Variants in ANO4 observed in about 807,000 individuals in gnomAD.
ANO4 encodes the protein anoctamin-4.
In ANO4, 69 loss-of-function variants were observed where a neutral mutation model predicts 141.9. The observed-to-expected ratio is 0.49, with a 90% CI of 0.40 to 0.59. The LOEUF is 0.59. Among genes scored for constraint, ANO4 ranks in the 20% least tolerant of loss-of-function variants. ANO4 has a pLI of 0.00. For missense variants in ANO4, 894 were observed against 1,162.2 expected, an observed-to-expected ratio of 0.77 and a Z score of 3.36; for synonymous variants, 350 against 394.3, an observed-to-expected ratio of 0.89 and a Z score of 1.33.
chr12:101,097,128 G>A (rs1176169903), intron 19 of ANO4, among the ~76,000 whole-genome samples: 1 of 152,084 alleles, frequency 6.6e-6, no homozygotes, highest in African/African-American at 2.4e-5. Context: ...GATTCCCTGG[G>A]TAGTGGTAAT....
intron 2 of ANO4, among the ~76,000 whole-genome samples, chr12:100,919,475 G>T (rs988729762): frequency 3.3e-5 from 5 of 152,108 alleles, no homozygotes; most frequent in African/African-American, 9.7e-5. Flanking sequence ...AGTATTCAGT[G>T]CAGTAACATG....
intron 3 of ANO4, among the ~76,000 whole-genome samples, chr12:100,748,386 G>A (rs9668515): frequency 0.027 from 4,053 of 152,254 alleles, 178 homozygotes; most frequent in African/African-American, 0.092. Context: ...CTCCCTTGTA[G>A]AGAAGCTGAG....
intron 2 of ANO4, among the ~76,000 whole-genome samples, chr12:100,739,067 A>G (rs908586703): frequency 1.4e-5 from 2 of 146,348 alleles, no homozygotes; most frequent in Non-Finnish European, 3.0e-5. Context: ...AAATCTTTAT[A>G]TATATCTAAA....
chr12:100,728,501 T>A (rs1326822883), intron 1 of ANO4, among the ~76,000 whole-genome samples: 1 of 152,190 alleles, frequency 6.6e-6, no homozygotes, highest in Non-Finnish European at 1.5e-5. Flanking sequence ...GCTTTTCTAG[T>A]GTAAGACAAA....
At chr12:101,081,442 G>GC (rs1333059882) in intron 15 of ANO4, among the ~76,000 whole-genome samples, 1 of 152,098 alleles carries the variant, frequency 6.6e-6, no homozygotes, top group East Asian at 1.9e-4. Context: ...TGTCTTCCCA[G>GC]CCCCTGATAA....
At position 101,111,600 on chromosome 12, in the gene ANO4, C is replaced by T. The variant is rs758995911; in HGVS notation, c.2340C>T (p.Leu780=). ...WYGILEGIGI[L]SVITNAFVIA... ...GAATTCTTGAAGGCATTGGAATTCT[C>T]TCTGTTATCACAAATGCATTTGTCA... The change falls in exon 24 of 28, where the codon CTC becomes CTT. Residue 780 remains leucine, a synonymous_variant. Transcript: ENST00000392977. The T allele has an allele frequency of 3.1e-6, 5 of 1,611,008 alleles. No homozygotes were observed. In the Admixed American group the frequency reaches 8.4e-5, roughly 27 times the overall value.
At chr12:100,925,838 C>CAT (rs1299427756) in intron 3 of ANO4, among the ~76,000 whole-genome samples, 1 of 138,894 alleles carries the variant, frequency 7.2e-6, no homozygotes, top group East Asian at 2.1e-4. Flanking sequence ...TATATACATA[C>CAT]ATATATATAC....
chr12:100,771,615 G>A (rs2033305053), intron 3 of ANO4, among the ~76,000 whole-genome samples: 1 of 152,152 alleles, frequency 6.6e-6, no homozygotes, highest in Non-Finnish European at 1.5e-5. Flanking sequence ...TGGACCCAGG[G>A]GCTAGGAGAA....
chr12:101,090,856 C>T (rs1362549776), intron 17 of ANO4, among the ~76,000 whole-genome samples: 2 of 152,134 alleles, frequency 1.3e-5, no homozygotes, highest in East Asian at 3.9e-4. Context: ...CTTCATTTAA[C>T]TGGAAATCAT....
chr12:100,740,232 C>T (rs906931840), intron 3 of ANO4: 2 of 625,372 alleles, frequency 3.2e-6, no homozygotes, highest in African/African-American at 3.6e-5. Flanking sequence ...AACAATACCT[C>T]TATGTTCATA....
intron 14 of ANO4, among the ~76,000 whole-genome samples, chr12:101,070,523 G>T (rs2048768864): frequency 6.6e-6 from 1 of 152,046 alleles, no homozygotes; most frequent in Non-Finnish European, 1.5e-5. Flanking sequence ...AATCAAAATG[G>T]ATTAAAGACT....
At chr12:100,914,627 T>TA (rs1291087888) in intron 2 of ANO4, among the ~76,000 whole-genome samples, 1 of 152,174 alleles carries the variant, frequency 6.6e-6, no homozygotes, top group Non-Finnish European at 1.5e-5. Context: ...CAAATAATGT[T>TA]AAAAAAACAA....
intron 8 of ANO4, among the ~76,000 whole-genome samples, chr12:101,006,347 T>A (rs2136425595): frequency 6.6e-6 from 1 of 152,348 alleles, no homozygotes; most frequent in Admixed American, 6.5e-5. Flanking sequence ...CCTCACCATT[T>A]TGTCTTATTA....
chr12:101,023,795 A>G (rs530155301), intron 9 of ANO4, among the ~76,000 whole-genome samples: 72 of 152,378 alleles, frequency 4.7e-4, no homozygotes, highest in Non-Finnish European at 8.2e-4. Context: ...AACATGGAGC[A>G]AAACTACTAA....
rs1337641247 is a variant in ANO4, at chr12:101,110,484, GA to G, written c.2233del (p.Ile745PhefsTer16). On this transcript the variant is annotated frameshift_variant, in exon 23 of 28. Transcript: ENST00000392977. LOFTEE classifies it high-confidence loss of function. Reference protein sequence around the residue: ...PLLALLNNIIEIRLDAYKFVT... With the variant: ...PLLALLNNIIXIRLDAYKFVT... Reference sequence around the variant, plus strand: ...TCTGGCCTTACTGAATAACATAATTGAAATTCGACTTGATGCTTACAAATTT... The same window carrying G: ...TCTGGCCTTACTGAATAACATAATTGAATTCGACTTGATGCTTACAAATTT... The G allele has an allele frequency of 6.2e-7, 1 of 1,611,574 alleles. No individual in the cohort carries two copies. Among genetic ancestry groups the G allele is most frequent in the Non-Finnish European group, 8.5e-7 (1 of 1,178,946 alleles).
At chr12:101,127,542 T>A (rs2051373158) in intron 27 of ANO4, among the ~76,000 whole-genome samples, 1 of 152,172 alleles carries the variant, frequency 6.6e-6, no homozygotes, top group South Asian at 2.1e-4. Flanking sequence ...TGATGAAGAA[T>A]TTCTTCTGGC....
intron 5 of ANO4, among the ~76,000 whole-genome samples, chr12:100,969,592 C>T (rs2043828750): frequency 6.6e-6 from 1 of 152,188 alleles, no homozygotes; most frequent in Admixed American, 6.5e-5. Context: ...TACAACTTTA[C>T]ATCCATCTGC....
At chr12:100,861,579 T>A (rs1371277758) in intron 1 of ANO4, among the ~76,000 whole-genome samples, 1 of 152,170 alleles carries the variant, frequency 6.6e-6, no homozygotes, top group African/African-American at 2.4e-5. Flanking sequence ...GAGTAGTAAA[T>A]GAATATGAAG....
intron 14 of ANO4, among the ~76,000 whole-genome samples, chr12:101,064,530 A>G (rs1442691270): frequency 1.3e-5 from 2 of 152,112 alleles, no homozygotes; most frequent in Non-Finnish European, 2.9e-5. Context: ...GTGGGAGGCT[A>G]GGGAAGGGAT....
Sources: gnomAD v4.1 joint callset for allele counts (sites outside exome capture counted in the v4.1 genomes callset) on GRCh38, gnomAD v4.1.1 for gene constraint, MANE v1.5 for transcripts, NCBI Gene and HGNC (gene_info 2026-07-23, HGNC 2026-07-21) for gene names.